The following CDR2 variants were observed in gnomAD, a reference collection of about 807,000 sequenced individuals.
CDR2 encodes the protein cerebellar degeneration related protein 2, also known as cerebellar degeneration-related protein 2.
CDR2 carries 34 observed loss-of-function variants against 48.4 expected under a neutral mutation model. That is an observed-to-expected ratio of 0.70 (90% CI 0.53 to 0.94). The LOEUF is 0.94. Ranked by LOEUF, CDR2 falls within the 40% of genes least tolerant of loss-of-function variation. The pLI, the probability that CDR2 is intolerant of heterozygous loss-of-function variation, is 0.00. For synonymous variants in CDR2, 240 were observed against 219.7 expected, an observed-to-expected ratio of 1.09 and a Z score of -0.82; for missense variants, 498 against 549.5, an observed-to-expected ratio of 0.91 and a Z score of 0.94.
chr16:22,371,459 C>T, intron 1 of CDR2, among the ~76,000 whole-genome samples: 1 of 152,216 alleles, frequency 6.6e-6, no homozygotes, highest in South Asian at 2.1e-4. Flanking sequence ...CTCTAGTGAA[C>T]AGATTCCTGG....
chr16:22,349,906 T>C, intron 2 of CDR2, 57 bp from the exon 3 acceptor site: 4 of 1,565,308 alleles, frequency 2.6e-6, no homozygotes, highest in Non-Finnish European at 2.6e-6. Flanking sequence ...TGCTGTTTCT[T>C]GGCTGGCTGC....
chr16:22,356,953 G>GAAAAAAAAAAAAAA (rs1162529433), intron 2 of CDR2, among the ~76,000 whole-genome samples: 3 of 87,508 alleles, frequency 3.4e-5, no homozygotes. Context: ...AAAAAAAAAA[G>GAAAAAAAAAAAAAA]AAAAAAAAAA....
Position 22,347,349 on chromosome 16 carries a change from G to A in CDR2, c.981C>T (p.His327=), listed in dbSNP as rs775623499. The A allele has an allele frequency of 1.9e-5, 30 of 1,614,060 alleles. No homozygotes were observed. The highest frequency in any genetic ancestry group is 1.1e-4 in the East Asian group (5 of 44,894). ...SLAGSDIVKG[H]EETCIRRAKA... ...TGGCCCTCCTGATGCAGGTCTCCTC[G>A]TGGCCCTTCACGATGTCACTCCCTG... is the stretch of plus-strand genomic sequence containing the variant. Residue 327 remains histidine (H), a synonymous_variant, in exon 5 of 5, where the codon CAC becomes CAT. Coordinates refer to ENST00000268383, the MANE Select transcript of CDR2 (RefSeq NM_001802.2).
rs188292842 is a variant in CDR2, at chr16:22,361,987, C to T, written c.192+2915G>A. Among the ~76,000 whole-genome samples, 50 of 150,632 alleles carry T rather than the reference C, an allele frequency of 3.3e-4. No homozygotes were observed. In the East Asian group the frequency reaches 6.3e-3, roughly 19 times the overall value. ...CACGATCTCGGCTCACTGCAAGCTC[C>T]GCCTCCCGGGTTCACGCCAATCTCC... On this transcript the variant is annotated intron_variant, in intron 2 of 4. Transcript: ENST00000268383.
intron 2 of CDR2, among the ~76,000 whole-genome samples, chr16:22,356,956 A>G (rs2048978434): frequency 6.7e-6 from 1 of 150,020 alleles, no homozygotes; most frequent in South Asian, 2.1e-4. Flanking sequence ...AAAAAAAGAA[A>G]AAAAAAAAAA....
chr16:22,356,176 A>G (rs2048972954), intron 2 of CDR2, among the ~76,000 whole-genome samples: 1 of 152,196 alleles, frequency 6.6e-6, no homozygotes, highest in Non-Finnish European at 1.5e-5. Flanking sequence ...TTTCATTCTA[A>G]CAGGTTTCCT....
At chr16:22,362,300 A>G (rs1290322005) in intron 2 of CDR2, among the ~76,000 whole-genome samples, 1 of 152,232 alleles carries the variant, frequency 6.6e-6, no homozygotes, top group Non-Finnish European at 1.5e-5. Flanking sequence ...ATAAAGTGTT[A>G]TTTGTAGATT....
intron 1 of CDR2, among the ~76,000 whole-genome samples, chr16:22,369,301 AG>A (rs869253009): frequency 0.064 from 9,351 of 145,056 alleles, 983 homozygotes; most frequent in African/African-American, 0.25. Context: ...AAAAAAAAAA[AG>A]AAAAAAAACA....
chr16:22,371,407 C>T (rs895339040), intron 1 of CDR2, among the ~76,000 whole-genome samples: 1 of 152,148 alleles, frequency 6.6e-6, no homozygotes, highest in Non-Finnish European at 1.5e-5. Flanking sequence ...ATGTACGAGG[C>T]GCTGTAGTGG....
At chr16:22,362,454 A>G (rs1025019512) in intron 2 of CDR2, among the ~76,000 whole-genome samples, 2 of 152,202 alleles carry the variant, frequency 1.3e-5, no homozygotes, top group Non-Finnish European at 2.9e-5. Context: ...CCAACTTACA[A>G]ATATTTACAC....
chr16:22,358,960 C>T (rs560222483), intron 2 of CDR2, among the ~76,000 whole-genome samples: 7 of 152,152 alleles, frequency 4.6e-5, no homozygotes, highest in South Asian at 2.1e-4. Context: ...AGAAAAGATA[C>T]GCAATATTCC....
intron 2 of CDR2, among the ~76,000 whole-genome samples, chr16:22,356,686 G>T (rs1299297433): frequency 5.9e-5 from 9 of 152,070 alleles, no homozygotes; most frequent in African/African-American, 2.2e-4. Context: ...CCAGGAGGTG[G>T]AGGTTGCAGT....
At chr16:22,366,127 T>C (rs894389463) in intron 1 of CDR2, among the ~76,000 whole-genome samples, 3 of 152,250 alleles carry the variant, frequency 2.0e-5, no homozygotes, top group African/African-American at 7.2e-5. Flanking sequence ...AAGCATTAGC[T>C]ATAGAACAGT....
chr16:22,351,792 T>C (rs2048944091), intron 2 of CDR2, among the ~76,000 whole-genome samples: 1 of 152,184 alleles, frequency 6.6e-6, no homozygotes. Context: ...TAAGTCACCT[T>C]GATTCCCTCC....
At chr16:22,361,897 C>CTTT (rs11303236) in intron 2 of CDR2, among the ~76,000 whole-genome samples, 1 of 68,146 alleles carries the variant, frequency 1.5e-5, no homozygotes, top group African/African-American at 5.7e-5. Flanking sequence ...GAATTTTATA[C>CTTT]TTTTTTTTTT....
intron 2 of CDR2, among the ~76,000 whole-genome samples, chr16:22,358,325 T>A (rs1813167711): frequency 6.6e-6 from 1 of 152,078 alleles, no homozygotes; most frequent in South Asian, 2.1e-4. Context: ...GGTCATGGGG[T>A]AGCAGAAATG....
At chr16:22,369,567 T>G (rs2049063594) in intron 1 of CDR2, among the ~76,000 whole-genome samples, 2 of 151,552 alleles carry the variant, frequency 1.3e-5, no homozygotes, top group South Asian at 4.1e-4. Context: ...GAAGTCTCGA[T>G]CTCCTAAATA....
intron 2 of CDR2, among the ~76,000 whole-genome samples, chr16:22,350,385 C>T (rs1275940265): frequency 6.6e-6 from 1 of 152,024 alleles, no homozygotes; most frequent in African/African-American, 2.4e-5. Context: ...ATGATTGATT[C>T]AATTATTGGC....
chr16:22,365,848 T>TA (rs2049042053), intron 1 of CDR2, among the ~76,000 whole-genome samples: 2 of 152,306 alleles, frequency 1.3e-5, no homozygotes, highest in South Asian at 4.1e-4. Flanking sequence ...AGTCCTTTGA[T>TA]ACAGTGGGAA....
Sources: allele counts gnomAD v4.1 joint callset (sites outside exome capture counted in the v4.1 genomes callset), GRCh38; gene constraint gnomAD v4.1.1; transcripts MANE v1.5; gene names NCBI Gene and HGNC (gene_info 2026-07-23, HGNC 2026-07-21).